SGF29: variants seen among roughly 807,000 people sequenced by gnomAD.
SGF29 encodes the protein SAGA complex associated factor 29.
In SGF29, 15 loss-of-function variants were observed where a neutral mutation model predicts 38.1. The ratio of observed to expected loss-of-function variants is 0.39; its 90% CI spans 0.26 to 0.61. SGF29 has a LOEUF of 0.61. Ranked by LOEUF, SGF29 falls within the 20% of genes least tolerant of loss-of-function variation. The pLI is 0.49. For missense variants in SGF29, 184 were observed against 394.6 expected (o/e 0.47, Z 4.52); for synonymous variants, 151 against 160.8 (o/e 0.94, Z 0.46).
At chr16:28,556,792 C>T (rs1346671546) in intron 1 of SGF29, among the ~76,000 whole-genome samples, 1 of 152,098 alleles carries the variant, frequency 6.6e-6, no homozygotes, top group East Asian at 1.9e-4. Flanking sequence ...TACACATGTG[C>T]ACCACCCTGC....
intron 1 of SGF29, among the ~76,000 whole-genome samples, chr16:28,573,653 T>A (rs1170660124): frequency 6.6e-6 from 1 of 151,808 alleles, no homozygotes; most frequent in Non-Finnish European, 1.5e-5. Flanking sequence ...GGAGATGGAG[T>A]TCAGAACACA....
intron 2 of SGF29, among the ~76,000 whole-genome samples, chr16:28,584,217 C>T (rs1645620528): frequency 6.6e-6 from 1 of 151,954 alleles, no homozygotes; most frequent in African/African-American, 2.4e-5. Context: ...TCTTGAACTC[C>T]TGATCTCAAG....
At chr16:28,567,266 T>C (rs1236226579) in intron 1 of SGF29, among the ~76,000 whole-genome samples, 1 of 152,180 alleles carries the variant, frequency 6.6e-6, no homozygotes, top group Non-Finnish European at 1.5e-5. Context: ...TGGGTTGCTG[T>C]AACAAAATAC....
At chr16:28,572,054 A>G (rs1481853307) in intron 1 of SGF29, among the ~76,000 whole-genome samples, 1 of 152,076 alleles carries the variant, frequency 6.6e-6, no homozygotes, top group Non-Finnish European at 1.5e-5. Context: ...ATCTCGGCTC[A>G]CTGCAAGCTC....
intron 1 of SGF29, among the ~76,000 whole-genome samples, chr16:28,554,332 C>G (rs1032959385): frequency 6.6e-6 from 1 of 151,892 alleles, no homozygotes; most frequent in Non-Finnish European, 1.5e-5. Flanking sequence ...TCTGCGCTTG[C>G]GTGCTTCCAT....
intron 2 of SGF29, 119 bp from the exon 3 acceptor site, chr16:28,584,788 CAAAAAA>C (rs377573618): frequency 4.4e-4 from 182 of 417,650 alleles, no homozygotes; most frequent in Admixed American, 5.5e-4. Flanking sequence ...GACTCCATCT[CAAAAAA>C]AAAAAAAAAA....
In SGF29 at chr16:28,565,117, G is replaced by A. The variant is rs554162736; in HGVS notation, c.-16+11020G>A. On this transcript the variant is annotated intron_variant, in intron 1 of 9. Coordinates refer to ENST00000317058, the MANE Select transcript of SGF29 (RefSeq NM_138414.3). The stretch of plus-strand genomic sequence containing the variant: ...GTGACACAGAACAGAGCCAGCACGC[G>A]GACTCAGCAAGCTGCTGGTCCCCCT... 2.3e-3 allele frequency among the ~76,000 whole-genome samples: 345 copies of A among 152,180 alleles called. 6 individuals carry two copies. The highest frequency in any genetic ancestry group is 3.4e-4 in the Non-Finnish European group (23 of 68,010).
intron 1 of SGF29, among the ~76,000 whole-genome samples, chr16:28,563,764 A>G (rs2151642655): frequency 8.4e-6 from 1 of 119,280 alleles, no homozygotes; most frequent in East Asian, 2.4e-4. Context: ...TCTGTCACCC[A>G]GGCTGGAGTG....
intron 1 of SGF29, among the ~76,000 whole-genome samples, chr16:28,556,686 C>T (rs2046754543): frequency 6.6e-6 from 1 of 151,906 alleles, no homozygotes; most frequent in East Asian, 1.9e-4. Context: ...TACTCTGTCA[C>T]CCAGGCTGGA....
intron 4 of SGF29, among the ~76,000 whole-genome samples, chr16:28,586,690 T>G (rs2046957906): frequency 6.6e-6 from 1 of 152,112 alleles, no homozygotes; most frequent in African/African-American, 2.4e-5. Flanking sequence ...GTATTAACTA[T>G]CTGACATTTC....
In SGF29 at chr16:28,590,001, C is replaced by G; in HGVS notation, c.290-95C>G. 6.8e-7 allele frequency: 1 copy of G among 1,476,226 alleles called. No homozygotes were observed. The highest frequency in any genetic ancestry group is 9.0e-7 in the Non-Finnish European group (1 of 1,110,456). 91.4% of individuals were successfully genotyped at this position (1,476,226 alleles called of 1,614,324 possible). A position where few individuals can be genotyped will look rare whatever the true frequency, so the allele number is the denominator to read the frequency against. On this transcript the variant is annotated intron_variant, in intron 5 of 9. Transcript: ENST00000317058. This position sits in a 1 kb window ranked among gnomAD's most constrained non-coding sequence, Gnocchi z 8.2. The stretch of plus-strand genomic sequence containing the variant: ...CTCGGGCTCACTCGGGAACTGGGGG[C>G]TCCCAGGTGCTCCTTCAACAGCTCA...
At chr16:28,587,307 G>C (rs2046961102) in intron 4 of SGF29, among the ~76,000 whole-genome samples, 2 of 152,208 alleles carry the variant, frequency 1.3e-5, no homozygotes, top group Non-Finnish European at 2.9e-5. Context: ...ACCAAGGTTT[G>C]AAAGCCACTT....
At chr16:28,570,235 C>G (rs1197652997) in intron 1 of SGF29, among the ~76,000 whole-genome samples, 1 of 152,166 alleles carries the variant, frequency 6.6e-6, no homozygotes, top group East Asian at 1.9e-4. Context: ...TGCCCAGAGC[C>G]CAGCAACATG....
rs1460213064 is a variant in SGF29, at chr16:28,590,183, C to T, written c.377C>T (p.Ser126Leu). ...RGVLMTLLQQ[S>L]AMTLPLWIGK... The stretch of plus-strand genomic sequence containing the variant: ...GTGCTGATGACCCTGCTGCAGCAGT[C>T]GGCCATGACCCTGCCCCTGTGGATC... Residue 126 changes from serine (S) to leucine (L), a missense_variant, in exon 6 of 10, where the codon TCG becomes TTG. Physicochemically the swap from Ser to Leu is moderately radical, Grantham distance 145 (BLOSUM62 -2). Transcript: ENST00000317058. The surrounding 1 kb of genome is among the most constrained non-coding windows in gnomAD (Gnocchi z 8.2). The T allele has an allele frequency of 1.9e-6, 3 of 1,610,556 alleles. No homozygotes were observed. The highest frequency in any genetic ancestry group is 2.5e-6 in the Non-Finnish European group (3 of 1,178,824).
intron 1 of SGF29, among the ~76,000 whole-genome samples, chr16:28,557,187 C>T (rs964878308): frequency 6.6e-6 from 1 of 152,226 alleles, no homozygotes; most frequent in East Asian, 1.9e-4. Context: ...TGCTTCTACC[C>T]TGCAGCCTTT....
Position 28,590,906 on chromosome 16 carries a change from C to T in SGF29, c.736C>T (p.Arg246Cys). The T allele has an allele frequency of 6.2e-7, 1 of 1,612,708 alleles. No homozygotes were observed. The highest frequency in any genetic ancestry group is 8.5e-7 in the Non-Finnish European group (1 of 1,179,396). Residue 246 changes from arginine (R) to cysteine (C), a missense_variant, in exon 9 of 10, where the codon CGC (arginine) becomes TGC (cysteine). This residue lies in a region of SGF29 where 107 missense variants were observed against 276.9 expected (regional missense o/e 0.39). Transcript: ENST00000317058. The surrounding 1 kb of genome is among the most constrained non-coding windows in gnomAD (Gnocchi z 8.2). ...GTATCCCCAGACTACCTGCTTCTACCGCGCCCTGATCCATGCGCCCCCACA... is the reference window on the plus strand; with the variant it reads ...GTATCCCCAGACTACCTGCTTCTACTGCGCCCTGATCCATGCGCCCCCACA... ...ALYPQTTCFY[R>C]ALIHAPPQRP...
chr16:28,591,737 GAC>G lies in SGF29; in HGVS notation c.*35_*36del, dbSNP rs1567294520. 3.3e-6 allele frequency: 5 copies of G among 1,532,826 alleles called. No individual in the cohort carries two copies. Among genetic ancestry groups the G allele is most frequent in the Non-Finnish European group, 4.5e-6 (5 of 1,106,816 alleles). 95.0% of individuals were successfully genotyped at this position (1,532,826 alleles called of 1,614,324 possible). A position where few individuals can be genotyped will look rare whatever the true frequency, so the allele number is the denominator to read the frequency against. On this transcript the variant is annotated 3_prime_UTR_variant, in exon 10 of 10. Coordinates refer to ENST00000317058, the MANE Select transcript of SGF29 (RefSeq NM_138414.3). Reference sequence around the variant, plus strand: ...CCTGGCAGACTCGCCATCCCCCAACGACACAGGGCAGGACAGCAGAGGACGTG... The same window carrying G: ...CCTGGCAGACTCGCCATCCCCCAACGACAGGGCAGGACAGCAGAGGACGTG...
intron 1 of SGF29, among the ~76,000 whole-genome samples, chr16:28,561,850 A>G (rs567990852): frequency 3.7e-4 from 56 of 152,340 alleles, no homozygotes; most frequent in African/African-American, 1.3e-3. Context: ...TTCCAACCCC[A>G]GGGCCTCATT....
intron 1 of SGF29, among the ~76,000 whole-genome samples, chr16:28,560,700 G>A (rs12935321): frequency 0.079 from 12,067 of 151,936 alleles, 615 homozygotes; most frequent in East Asian, 0.15. Flanking sequence ...AGTGGCTCAC[G>A]CCGGTAATCC....
Sources: allele counts gnomAD v4.1 joint callset (sites outside exome capture counted in the v4.1 genomes callset), GRCh38; gene constraint gnomAD v4.1.1; regional missense constraint gnomAD v4.1.1; non-coding constraint Gnocchi (gnomAD v3.1); transcripts MANE v1.5; gene names NCBI Gene and HGNC (gene_info 2026-07-23, HGNC 2026-07-21).